The following LDAH variants were observed in gnomAD, a reference collection of about 807,000 sequenced individuals.
LDAH encodes the protein lipid droplet-associated hydrolase.
In LDAH, 26 loss-of-function variants were observed where a neutral mutation model predicts 29.6. That is an observed-to-expected ratio of 0.88 (90% CI 0.64 to 1.22). The LOEUF is 1.22. Ranked by LOEUF, LDAH falls within the 50% of genes most tolerant of loss-of-function variation. The pLI, the probability that LDAH is intolerant of heterozygous loss-of-function variation, is 0.00. For missense variants in LDAH, 344 were observed against 387.3 expected (o/e 0.89, Z 0.94); for synonymous variants, 117 against 133.0 (o/e 0.88, Z 0.83).
rs777840791 is a variant in LDAH, at chr2:20,698,308, T to C, written c.786+3262A>G. On this transcript the variant is annotated intron_variant, in intron 6 of 6. Transcript: ENST00000237822. The surrounding 1 kb of genome is among the most constrained non-coding windows in gnomAD (Gnocchi z 4.4). ...CTGTGTGATAAATGCAATATAACTT[T>C]ACATAGGGAGTAACATCTAACCAAA... Among the ~76,000 whole-genome samples the C allele has an allele frequency of 2.6e-5, 4 of 152,204 alleles. No homozygotes were observed. The highest frequency in any genetic ancestry group is 5.9e-5 in the Non-Finnish European group (4 of 68,036).
chr2:20,716,792 T>C (rs1208070812), intron 5 of LDAH, among the ~76,000 whole-genome samples: 1 of 145,596 alleles, frequency 6.9e-6, no homozygotes, highest in Non-Finnish European at 1.5e-5. Flanking sequence ...AACATGGACC[T>C]CAGTCTAAAG....
intron 3 of LDAH, chr2:20,789,075 A>G: frequency 6.6e-7 from 1 of 1,512,052 alleles, no homozygotes; most frequent in Middle Eastern, 1.7e-4. Context: ...CTTCTGTGCT[A>G]CTCTTTCTGT....
intron 4 of LDAH, among the ~76,000 whole-genome samples, chr2:20,764,732 C>T (rs1668917353): frequency 6.6e-6 from 1 of 152,184 alleles, no homozygotes; most frequent in Non-Finnish European, 1.5e-5. Flanking sequence ...GCAACTTAGT[C>T]TAACCATCTG....
intron 3 of LDAH, among the ~76,000 whole-genome samples, chr2:20,784,823 G>A (rs997909193): frequency 6.6e-6 from 1 of 152,110 alleles, no homozygotes; most frequent in Admixed American, 6.5e-5. Context: ...GCAGGTTGAG[G>A]CTGCAGTGGG....
intron 1 of LDAH, among the ~76,000 whole-genome samples, chr2:20,821,755 T>G (rs1474468476): frequency 6.6e-6 from 1 of 152,022 alleles, no homozygotes; most frequent in Non-Finnish European, 1.5e-5. Flanking sequence ...CCCTAGAACT[T>G]AAAGTATAAT....
At chr2:20,728,203 A>G (rs1315595313) in intron 5 of LDAH, among the ~76,000 whole-genome samples, 1 of 152,204 alleles carries the variant, frequency 6.6e-6, no homozygotes, top group Non-Finnish European at 1.5e-5. Context: ...TAAGATTTCT[A>G]CTGAAGCACA....
intron 4 of LDAH, among the ~76,000 whole-genome samples, chr2:20,763,569 A>G (rs1443019016): frequency 6.6e-6 from 1 of 152,228 alleles, no homozygotes; most frequent in Non-Finnish European, 1.5e-5. Flanking sequence ...TATTTTACTT[A>G]CAACTACAGT....
At chr2:20,795,216 T>C (rs1035411423) in intron 2 of LDAH, among the ~76,000 whole-genome samples, 5 of 152,190 alleles carry the variant, frequency 3.3e-5, no homozygotes, top group African/African-American at 2.4e-5. Context: ...GTAGTGATCA[T>C]CTCTAGGCCC....
chr2:20,788,333 A>C (rs1280234526), intron 3 of LDAH, among the ~76,000 whole-genome samples: 1 of 152,214 alleles, frequency 6.6e-6, no homozygotes, highest in Non-Finnish European at 1.5e-5. Flanking sequence ...TTTTTCAGAA[A>C]GTATTCAGAG....
At chr2:20,803,117 A>C (rs1360558643) in intron 1 of LDAH, among the ~76,000 whole-genome samples, 1 of 152,232 alleles carries the variant, frequency 6.6e-6, no homozygotes, top group Non-Finnish European at 1.5e-5. Flanking sequence ...AGATACAGTG[A>C]ATAGAGGCCA....
At chr2:20,807,362 C>A (rs1672136376) in intron 1 of LDAH, among the ~76,000 whole-genome samples, 1 of 152,080 alleles carries the variant, frequency 6.6e-6, no homozygotes, top group East Asian at 1.9e-4. Flanking sequence ...CTTCCCAACT[C>A]ATTTTATGCA....
At chr2:20,752,607 C>T (rs967737174) in intron 4 of LDAH, among the ~76,000 whole-genome samples, 5 of 151,554 alleles carry the variant, frequency 3.3e-5, no homozygotes, top group Admixed American at 6.6e-5. Context: ...CACAGGTCTT[C>T]GTACTGAAAT....
intron 4 of LDAH, among the ~76,000 whole-genome samples, chr2:20,771,016 T>C (rs1669376754): frequency 6.6e-6 from 1 of 152,240 alleles, no homozygotes; most frequent in Non-Finnish European, 1.5e-5. Flanking sequence ...AGTCTTTCAA[T>C]TACCTATTTG....
At chr2:20,788,898 A>G (rs1670744887) in intron 3 of LDAH, 2 of 402,574 alleles carry the variant, frequency 5.0e-6, no homozygotes, top group South Asian at 7.5e-5. Flanking sequence ...GGAACAGTGA[A>G]CATGCTAGAA....
At chr2:20,775,624 T>C (rs1464404083) in intron 3 of LDAH, among the ~76,000 whole-genome samples, 1 of 152,200 alleles carries the variant, frequency 6.6e-6, no homozygotes, top group Non-Finnish European at 1.5e-5. Flanking sequence ...AAAACTTAGG[T>C]AGAAATGTTA....
intron 5 of LDAH, among the ~76,000 whole-genome samples, chr2:20,730,911 C>T (rs1426937780): frequency 2.0e-5 from 3 of 152,082 alleles, no homozygotes; most frequent in Non-Finnish European, 2.9e-5. Flanking sequence ...TGTATTAATC[C>T]CTTTATCAAT....
chr2:20,755,129 T>TTTTG (rs370207968), intron 4 of LDAH, among the ~76,000 whole-genome samples: 1 of 118,210 alleles, frequency 8.5e-6, no homozygotes, highest in Admixed American at 7.7e-5. Flanking sequence ...GTGTCTGTGT[T>TTTTG]TGTGTGTGTG....
rs374027394 is a variant in LDAH, at chr2:20,774,246, C to T, written c.468+564G>A. On this transcript the variant is annotated intron_variant, in intron 4 of 6. Coordinates refer to ENST00000237822, the MANE Select transcript of LDAH (RefSeq NM_021925.4). The stretch of plus-strand genomic sequence containing the variant: ...AGGTCTTTGCGTCTCTAGCGCCTCA[C>T]TTAATATCTGGCACACAGTGGTATC... Among the ~76,000 whole-genome samples, 207 of 152,292 alleles carry T rather than the reference C, an allele frequency of 1.4e-3. 3 individuals carry two copies. In the South Asian group the frequency reaches 0.037, roughly 27 times the overall value.
Position 20,686,583 on chromosome 2 carries a change from AT to A in LDAH, c.*319del, listed in dbSNP as rs942382771. The stretch of plus-strand genomic sequence containing the variant: ...CTCAATTAAAATCAAGTACATGTAG[AT>A]TTTTTTTTCATCTGCAAAGATCCTG... On this transcript the variant is annotated 3_prime_UTR_variant, in exon 7 of 7. Coordinates refer to ENST00000237822, the MANE Select transcript of LDAH (RefSeq NM_021925.4). 41 of 200,584 alleles carry A rather than the reference AT, an allele frequency of 2.0e-4. No individual in the cohort carries two copies. Among genetic ancestry groups the A allele is most frequent in the East Asian group, 4.6e-4 (4 of 8,724 alleles). The allele number at this position is 200,584 out of a possible 1,614,324, so 12.4% of individuals were successfully genotyped here. A position where few individuals can be genotyped will look rare whatever the true frequency, so the allele number is the denominator to read the frequency against.
Sources: gnomAD v4.1 joint callset for allele counts (sites outside exome capture counted in the v4.1 genomes callset) on GRCh38, gnomAD v4.1.1 for gene constraint, Gnocchi (gnomAD v3.1) non-coding constraint, MANE v1.5 for transcripts, NCBI Gene and HGNC (gene_info 2026-07-23, HGNC 2026-07-21) for gene names.